Variants in PCDHA7 observed in about 807,000 individuals in gnomAD.
The protein encoded by PCDHA7 is protocadherin alpha 7, also known as protocadherin alpha-7.
In PCDHA7, 37 loss-of-function variants were observed where a neutral mutation model predicts 57.2. The observed-to-expected ratio is 0.65, with a 90% confidence interval of 0.50 to 0.85. The LOEUF (loss-of-function observed/expected upper bound fraction) is 0.85. PCDHA7 is among the 40% of genes least tolerant of loss of function. The pLI is 0.00. For missense variants in PCDHA7, 1,188 were observed against 1,241.8 expected, an observed-to-expected ratio of 0.96 and a Z score of 0.65; for synonymous variants, 553 against 558.8, an observed-to-expected ratio of 0.99 and a Z score of 0.15.
At chr5:140,928,469 A>G in intron 1 of PCDHA7, 1 of 1,614,144 alleles carries the variant, frequency 6.2e-7, no homozygotes, top group Non-Finnish European at 8.5e-7. Context: ...TTCCAAGTAG[A>G]AGGCCGGGAT....
intron 1 of PCDHA7, among the ~76,000 whole-genome samples, chr5:140,925,799 C>G (rs1200619545): frequency 6.6e-6 from 1 of 151,996 alleles, no homozygotes; most frequent in Non-Finnish European, 1.5e-5. Flanking sequence ...CAGTACTTTC[C>G]CCTCCACTTC....
intron 1 of PCDHA7, chr5:140,858,606 T>A: frequency 8.0e-7 from 1 of 1,257,634 alleles, no homozygotes; most frequent in Non-Finnish European, 1.1e-6. Flanking sequence ...GTTTTAAAAT[T>A]TTTTTATCCT....
chr5:140,858,366 G>C, intron 1 of PCDHA7: 1 of 1,590,950 alleles, frequency 6.3e-7, no homozygotes, highest in Admixed American at 1.7e-5. Context: ...TTCAGCCCCA[G>C]CCTTCCACCA....
At chr5:140,891,409 C>T (rs1295005747) in intron 1 of PCDHA7, among the ~76,000 whole-genome samples, 1 of 148,202 alleles carries the variant, frequency 6.7e-6, no homozygotes, top group Non-Finnish European at 1.5e-5. Context: ...CGCCACCCCC[C>T]ACTCTTGCCC....
chr5:140,965,035 C>T (rs978573637), intron 1 of PCDHA7, among the ~76,000 whole-genome samples: 6 of 152,108 alleles, frequency 3.9e-5, no homozygotes, highest in Non-Finnish European at 5.9e-5. Context: ...TTTAACTGTC[C>T]GCTCTAGGAG....
intron 1 of PCDHA7, among the ~76,000 whole-genome samples, chr5:140,892,806 A>G (rs1262963314): frequency 2.6e-5 from 4 of 152,228 alleles, no homozygotes; most frequent in African/African-American, 7.2e-5. Flanking sequence ...ATAGTTAACC[A>G]TATTTATCCT....
intron 1 of PCDHA7, chr5:140,967,032 A>T: frequency 6.2e-7 from 1 of 1,610,180 alleles, no homozygotes; most frequent in Non-Finnish European, 8.5e-7. Flanking sequence ...AGTCCGCGCT[A>T]CCTGGAGCTG....
At chr5:140,974,098 T>C (rs1316262429) in intron 1 of PCDHA7, among the ~76,000 whole-genome samples, 1 of 152,262 alleles carries the variant, frequency 6.6e-6, no homozygotes, top group Non-Finnish European at 1.5e-5. Flanking sequence ...AATCAAAGGT[T>C]AAAAGTATTC....
In PCDHA7 at chr5:140,872,829, G is replaced by GA. The variant is rs1562676145; in HGVS notation, c.2355+36097dup. ...AAGTTTTTCAGATTCATCTAGCAGA[G>GA]AAAAAATTAAATATATTAATGTGAG... is the stretch of plus-strand genomic sequence containing the variant. On this transcript the variant is annotated intron_variant, in intron 1 of 3. Transcript: ENST00000525929. Among the ~76,000 whole-genome samples, 5 of 152,156 alleles carry GA rather than the reference G, an allele frequency of 3.3e-5. No homozygotes were observed. The South Asian group carries it at 8.3e-4, about 25-fold the overall frequency.
In PCDHA7 at chr5:140,883,981, C is replaced by T. The variant is rs781859248; in HGVS notation, c.2355+47243C>T. 9.3e-6 allele frequency: 15 copies of T among 1,612,896 alleles called. No homozygotes were observed. In the South Asian group the frequency reaches 1.5e-4, roughly 17 times the overall value. ...CGGCGCTGCTGACGCCCGGGGCTGG[C>T]AGCGCGGGAGGCACAGTGAGCGAGC... On this transcript the variant is annotated intron_variant, in intron 1 of 3. Coordinates refer to ENST00000525929, the MANE Select transcript of PCDHA7 (RefSeq NM_018910.3).
At chr5:140,877,205 G>A in intron 1 of PCDHA7, 1 of 1,613,824 alleles carries the variant, frequency 6.2e-7, no homozygotes, top group South Asian at 1.1e-5. Flanking sequence ...GGCGCAGTTA[G>A]CGAGTTGGTA....
At chr5:140,984,174 G>A (rs557769828) in intron 3 of PCDHA7, among the ~76,000 whole-genome samples, 25 of 152,318 alleles carry the variant, frequency 1.6e-4, no homozygotes, top group African/African-American at 5.8e-4. Flanking sequence ...AAGAAGCCAC[G>A]TGAAATCATG....
chr5:140,941,191 T>TTTTTTC (rs1554213809), intron 1 of PCDHA7, among the ~76,000 whole-genome samples: 1 of 93,206 alleles, frequency 1.1e-5, no homozygotes, highest in African/African-American at 3.9e-5. Context: ...GCTTCTTTTT[T>TTTTTTC]TTTCTTTCTT....
intron 1 of PCDHA7, chr5:140,849,906 G>A: frequency 6.3e-7 from 1 of 1,598,336 alleles, no homozygotes; most frequent in Non-Finnish European, 8.6e-7. Flanking sequence ...CAACCCGCCG[G>A]GCTGCCACAT....
chr5:140,965,690 T>G (rs1203632136), intron 1 of PCDHA7, among the ~76,000 whole-genome samples: 2 of 152,172 alleles, frequency 1.3e-5, no homozygotes, highest in Admixed American at 1.3e-4. Context: ...TGAAGCAAGA[T>G]TAGAAAAAGC....
intron 1 of PCDHA7, chr5:140,850,107 C>G (rs2150467518): frequency 6.3e-7 from 1 of 1,596,166 alleles, no homozygotes; most frequent in East Asian, 2.2e-5. Context: ...GGTGAGCGCG[C>G]GCGACGCGGG....
At chr5:140,967,102 G>T (rs1279026258) in intron 1 of PCDHA7, 1 of 1,612,978 alleles carries the variant, frequency 6.2e-7, no homozygotes, top group African/African-American at 1.3e-5. Context: ...CGCTGTGTGA[G>T]CAGCGGCCTC....
At chr5:140,888,161 C>G (rs1272451290) in intron 1 of PCDHA7, among the ~76,000 whole-genome samples, 1 of 152,160 alleles carries the variant, frequency 6.6e-6, no homozygotes, top group Non-Finnish European at 1.5e-5. Context: ...CTGGTAATCT[C>G]TAATAAGATG....
At chr5:140,895,165 T>C (rs28385500) in intron 1 of PCDHA7, among the ~76,000 whole-genome samples, 2,119 of 152,268 alleles carry the variant, frequency 0.014, 42 homozygotes, top group African/African-American at 0.049. Context: ...CACAATCCAA[T>C]CTATTTGTAG....
Sources: gnomAD v4.1 joint callset for allele counts (sites outside exome capture counted in the v4.1 genomes callset) on GRCh38, gnomAD v4.1.1 for gene constraint, MANE v1.5 for transcripts, NCBI Gene and HGNC (gene_info 2026-07-23, HGNC 2026-07-21) for gene names.